The following B4GALT5 variants were observed in gnomAD, a reference collection of about 807,000 sequenced individuals.
B4GALT5 encodes the protein beta-1,4-galactosyltransferase 5.
Under a neutral mutation model 45.0 loss-of-function variants are expected in B4GALT5, and 11 were observed. That is an observed-to-expected ratio of 0.24 (90% confidence interval 0.15 to 0.40). The LOEUF (loss-of-function observed/expected upper bound fraction) is 0.40. B4GALT5 is among the 10% of genes least tolerant of loss of function. The probability of loss-of-function intolerance (pLI) is 1.00; values close to 1 mark genes in which losing one functional copy is unlikely to be tolerated. For synonymous variants in B4GALT5, 185 were observed against 182.9 expected, an observed-to-expected ratio of 1.01 and a Z score of -0.09; for missense variants, 337 against 500.2, an observed-to-expected ratio of 0.67 and a Z score of 3.11.
intron 1 of B4GALT5, among the ~76,000 whole-genome samples, chr20:49,680,992 G>A (rs1447273741): frequency 2.0e-5 from 3 of 151,928 alleles, no homozygotes; most frequent in Non-Finnish European, 4.4e-5. Context: ...AGGCTGACGT[G>A]GGAGAACTAC....
At chr20:49,689,259 G>T (rs888262323) in intron 1 of B4GALT5, among the ~76,000 whole-genome samples, 9 of 151,996 alleles carry the variant, frequency 5.9e-5, no homozygotes, top group South Asian at 4.1e-4. Context: ...AAAATATTTA[G>T]ACTCAATGAG....
intron 1 of B4GALT5, among the ~76,000 whole-genome samples, chr20:49,699,424 T>C (rs1028060791): frequency 3.2e-5 from 4 of 125,538 alleles, no homozygotes; most frequent in African/African-American, 1.2e-4. Flanking sequence ...CCAGGCCCCA[T>C]ATAACCATCA....
chr20:49,678,270 A>C (rs1006316516), intron 1 of B4GALT5, among the ~76,000 whole-genome samples: 1 of 152,232 alleles, frequency 6.6e-6, no homozygotes, highest in Non-Finnish European at 1.5e-5. Context: ...TTGGTTACTA[A>C]TTTCGCAGAG....
At chr20:49,651,271 G>A (rs2085621478) in intron 2 of B4GALT5, among the ~76,000 whole-genome samples, 1 of 152,088 alleles carries the variant, frequency 6.6e-6, no homozygotes. Flanking sequence ...GGGCAACAGA[G>A]CGAGACTTTG....
At chr20:49,686,411 C>T (rs1282344910) in intron 1 of B4GALT5, among the ~76,000 whole-genome samples, 2 of 152,156 alleles carry the variant, frequency 1.3e-5, no homozygotes, top group African/African-American at 4.8e-5. Flanking sequence ...AGATACCACA[C>T]ATAGGATGTT....
chr20:49,691,750 AG>A (rs1360385240), intron 1 of B4GALT5, among the ~76,000 whole-genome samples: 1 of 152,200 alleles, frequency 6.6e-6, no homozygotes, highest in Non-Finnish European at 1.5e-5. Flanking sequence ...AAATGTTAAC[AG>A]TGTGTTATCT....
chr20:49,679,433 C>T (rs902372394), intron 1 of B4GALT5, among the ~76,000 whole-genome samples: 2 of 151,876 alleles, frequency 1.3e-5, no homozygotes, highest in African/African-American at 4.8e-5. Flanking sequence ...CTTTGGGAGG[C>T]CGAGACAGGC....
intron 1 of B4GALT5, among the ~76,000 whole-genome samples, chr20:49,670,141 A>G (rs1025773962): frequency 3.3e-5 from 5 of 152,352 alleles, no homozygotes; most frequent in Non-Finnish European, 7.3e-5. Flanking sequence ...AACAGCACAT[A>G]AACTGTGACA....
At chr20:49,637,191 A>T in intron 8 of B4GALT5, 150 bp downstream of exon 8, 1 of 693,504 alleles carries the variant, frequency 1.4e-6, no homozygotes, top group Non-Finnish European at 2.6e-6. Flanking sequence ...GTTCTGCCTC[A>T]GAGTTAGAAT....
chr20:49,690,480 C>T (rs1198858290), intron 1 of B4GALT5, among the ~76,000 whole-genome samples: 3 of 148,570 alleles, frequency 2.0e-5, no homozygotes, highest in Non-Finnish European at 4.4e-5. Flanking sequence ...ATCTGGGAGG[C>T]GGAGGTTGCA....
chr20:49,641,145 C>T (rs1020109520), intron 5 of B4GALT5, among the ~76,000 whole-genome samples: 5 of 152,036 alleles, frequency 3.3e-5, no homozygotes, highest in African/African-American at 9.7e-5. Context: ...AGTCACTGGA[C>T]CTCTGGCCCC....
At chr20:49,680,241 G>C (rs1158707715) in intron 1 of B4GALT5, among the ~76,000 whole-genome samples, 1 of 152,174 alleles carries the variant, frequency 6.6e-6, no homozygotes, top group African/African-American at 2.4e-5. Flanking sequence ...ACAAGCTCTT[G>C]GAGTGTTCTG....
intron 1 of B4GALT5, among the ~76,000 whole-genome samples, chr20:49,665,079 T>C (rs1408255847): frequency 1.3e-5 from 2 of 152,304 alleles, no homozygotes; most frequent in East Asian, 3.9e-4. Context: ...AAAAGTAAAG[T>C]GGCCACTTAC....
chr20:49,699,702 GTC>G (rs2085853717), intron 1 of B4GALT5, among the ~76,000 whole-genome samples: 4 of 152,150 alleles, frequency 2.6e-5, no homozygotes, highest in African/African-American at 9.7e-5. Context: ...AAAGAGAAAA[GTC>G]AAGGTAGGAA....
At chr20:49,640,915 C>G (rs1421021682) in intron 5 of B4GALT5, among the ~76,000 whole-genome samples, 1 of 152,114 alleles carries the variant, frequency 6.6e-6, no homozygotes, top group African/African-American at 2.4e-5. Context: ...GAGTTCGAGA[C>G]CAGCCTGGCC....
At chr20:49,674,208 C>A in intron 1 of B4GALT5, among the ~76,000 whole-genome samples, 1 of 132,430 alleles carries the variant, frequency 7.6e-6, no homozygotes. Flanking sequence ...CCAGCCTGGG[C>A]GACAGAGCAA....
At chr20:49,637,556 C>G in intron 7 of B4GALT5, 114 bp from the exon 8 acceptor site, 1 of 736,840 alleles carries the variant, frequency 1.4e-6, no homozygotes, top group Non-Finnish European at 2.4e-6. Context: ...AGCAAAAGCT[C>G]TCACCCGCTT....
chr20:49,649,746 T>C (rs1046340982), intron 2 of B4GALT5, among the ~76,000 whole-genome samples: 7 of 152,200 alleles, frequency 4.6e-5, no homozygotes, highest in African/African-American at 1.4e-4. Flanking sequence ...CTCATCCTAA[T>C]TATTACTCAG....
chr20:49,694,626 G>A (rs1328089307), intron 1 of B4GALT5, among the ~76,000 whole-genome samples: 1 of 143,610 alleles, frequency 7.0e-6, no homozygotes, highest in African/African-American at 2.6e-5. Flanking sequence ...GACACAGCAA[G>A]GCCCTGCTGA....
Sources: gnomAD v4.1 joint callset for allele counts (sites outside exome capture counted in the v4.1 genomes callset) on GRCh38, gnomAD v4.1.1 for gene constraint, MANE v1.5 for transcripts, NCBI Gene and HGNC (gene_info 2026-07-23, HGNC 2026-07-21) for gene names.